HDAC9: variants seen among roughly 807,000 people sequenced by gnomAD.
HDAC9 encodes MEF-2 interacting transcription repressor (MITR) protein.
HDAC9 carries 41 observed loss-of-function variants against 139.4 expected under a neutral mutation model. The ratio of observed to expected loss-of-function variants is 0.29; its 90% confidence interval spans 0.23 to 0.38. The LOEUF is 0.38. HDAC9 is among the 10% of genes least tolerant of loss of function. The pLI, the probability that HDAC9 is intolerant of heterozygous loss-of-function variation, is 1.00. For synonymous variants in HDAC9, 517 were observed against 476.2 expected (o/e 1.09, Z -1.12); for missense variants, 1,147 against 1,297.0 (o/e 0.88, Z 1.78).
intron 1 of HDAC9, among the ~76,000 whole-genome samples, chr7:18,348,972 A>G (rs1295110418): frequency 6.6e-6 from 1 of 152,086 alleles, no homozygotes; most frequent in Non-Finnish European, 1.5e-5. Flanking sequence ...TGCTGTGAAG[A>G]ACAGAAATTA....
chr7:18,574,918 A>G (rs968482873), intron 2 of HDAC9, among the ~76,000 whole-genome samples: 1 of 152,214 alleles, frequency 6.6e-6, no homozygotes, highest in Non-Finnish European at 1.5e-5. Context: ...GCCTGGGTCC[A>G]TAGCTGCAGC....
chr7:18,586,674 C>T (rs1044012719), intron 3 of HDAC9, among the ~76,000 whole-genome samples: 6 of 151,920 alleles, frequency 3.9e-5, no homozygotes, highest in African/African-American at 9.7e-5. Flanking sequence ...ACTTTATTAT[C>T]GTATATTCCT....
At chr7:18,871,964 C>G (rs534546466) in intron 21 of HDAC9, among the ~76,000 whole-genome samples, 5 of 152,238 alleles carry the variant, frequency 3.3e-5, no homozygotes, top group African/African-American at 9.6e-5. Flanking sequence ...ATAGTAGACA[C>G]TGAATATATA....
chr7:18,165,961 C>A (rs1397966860), intron 2 of HDAC9, among the ~76,000 whole-genome samples: 1 of 151,972 alleles, frequency 6.6e-6, no homozygotes, highest in Non-Finnish European at 1.5e-5. Context: ...CTTTATTTTC[C>A]TCAAAAGAAG....
chr7:18,406,456 C>T (rs1304632040), intron 1 of HDAC9, among the ~76,000 whole-genome samples: 1 of 151,580 alleles, frequency 6.6e-6, no homozygotes, highest in East Asian at 1.9e-4. Context: ...GCAAGTGGTG[C>T]GATCTCAGCT....
intron 17 of HDAC9, among the ~76,000 whole-genome samples, chr7:18,817,497 A>AT (rs1195977264): frequency 6.6e-6 from 1 of 152,204 alleles, no homozygotes; most frequent in Non-Finnish European, 1.5e-5. Context: ...GAACATTTGG[A>AT]TCTTTTTTCC....
At chr7:18,938,528 G>A (rs1270600065) in intron 23 of HDAC9, among the ~76,000 whole-genome samples, 1 of 149,416 alleles carries the variant, frequency 6.7e-6, no homozygotes, top group Non-Finnish European at 1.5e-5. Flanking sequence ...CCGAGAGGTG[G>A]AGCTTGCAGT....
At chr7:18,738,901 C>A (rs979756372) in intron 13 of HDAC9, among the ~76,000 whole-genome samples, 6 of 152,176 alleles carry the variant, frequency 3.9e-5, no homozygotes, top group African/African-American at 1.2e-4. Flanking sequence ...GTACACCAAT[C>A]AAATGTAGAT....
In HDAC9 at chr7:18,496,293, T is replaced by G. The variant is rs1796926900; in HGVS notation, c.-10T>G. ...TGGCTGGACGAGAGCAGCTCTTGGC[T>G]CAGCAAAGAATGCACAGTATGATCA... On this transcript the variant is annotated 5_prime_UTR_variant, in exon 2 of 26. Coordinates refer to ENST00000686413, the MANE Select transcript of HDAC9 (RefSeq NM_178425.4). 6.2e-7 allele frequency: 1 copy of G among 1,613,176 alleles called. No homozygotes were observed. The highest frequency in any genetic ancestry group is 8.5e-7 in the Non-Finnish European group (1 of 1,179,416).
intron 24 of HDAC9, among the ~76,000 whole-genome samples, chr7:18,958,877 G>T (rs972164876): frequency 1.3e-4 from 20 of 152,162 alleles, no homozygotes; most frequent in African/African-American, 4.3e-4. Context: ...TCATTTCTAA[G>T]TTAGGAAGAA....
intron 1 of HDAC9, among the ~76,000 whole-genome samples, chr7:18,103,930 G>C (rs568751204): frequency 6.6e-6 from 1 of 152,288 alleles, no homozygotes; most frequent in African/African-American, 2.4e-5. Context: ...GGCCAGAGCC[G>C]ATCCCAGCAG....
At chr7:18,387,787 A>G (rs562172793) in intron 1 of HDAC9, among the ~76,000 whole-genome samples, 13 of 152,198 alleles carry the variant, frequency 8.5e-5, no homozygotes, top group Non-Finnish European at 1.3e-4. Flanking sequence ...TATTTTTTAT[A>G]TGAATTCCAA....
chr7:18,570,203 T>A (rs1823813184), intron 2 of HDAC9, among the ~76,000 whole-genome samples: 1 of 151,850 alleles, frequency 6.6e-6, no homozygotes, highest in African/African-American at 2.4e-5. Flanking sequence ...CAAAAAAAAA[T>A]GCTAATTGCC....
intron 1 of HDAC9, among the ~76,000 whole-genome samples, chr7:18,291,060 T>C (rs537011301): frequency 1.2e-4 from 19 of 152,292 alleles, no homozygotes; most frequent in African/African-American, 4.1e-4. Context: ...AGAGCCCAGG[T>C]TGTGTAATCC....
intron 1 of HDAC9, among the ~76,000 whole-genome samples, chr7:18,130,162 C>T (rs1035638372): frequency 6.6e-6 from 1 of 152,036 alleles, no homozygotes; most frequent in Non-Finnish European, 1.5e-5. Flanking sequence ...ATTTGAAATC[C>T]AGAATCCACA....
chr7:18,765,604 C>A (rs1383232058), intron 15 of HDAC9, among the ~76,000 whole-genome samples: 4 of 150,650 alleles, frequency 2.7e-5, no homozygotes, highest in Non-Finnish European at 4.4e-5. Context: ...GACTCCATCT[C>A]AAAAAAAAAT....
At chr7:18,246,328 G>T (rs1794522640) in intron 2 of HDAC9, among the ~76,000 whole-genome samples, 2 of 151,362 alleles carry the variant, frequency 1.3e-5, no homozygotes, top group Non-Finnish European at 2.9e-5. Flanking sequence ...GCAAAGGTTG[G>T]AAGTCTGCTT....
At chr7:18,587,489 A>G (rs1829785096) in intron 3 of HDAC9, among the ~76,000 whole-genome samples, 1 of 152,188 alleles carries the variant, frequency 6.6e-6, no homozygotes, top group Non-Finnish European at 1.5e-5. Flanking sequence ...ATAAAGCTAA[A>G]AGTTGATGCT....
intron 12 of HDAC9, among the ~76,000 whole-genome samples, chr7:18,696,609 A>G (rs796901461): frequency 1.6e-4 from 25 of 152,034 alleles, no homozygotes; most frequent in African/African-American, 5.8e-4. Flanking sequence ...CTGGGACTAC[A>G]GATGCACGTC....
Sources: gnomAD v4.1 joint callset for allele counts (sites outside exome capture counted in the v4.1 genomes callset) on GRCh38, gnomAD v4.1.1 for gene constraint, MANE v1.5 for transcripts, NCBI Gene and HGNC (gene_info 2026-07-23, HGNC 2026-07-21) for gene names.